CEP250: variants seen among roughly 807,000 people sequenced by gnomAD.
CEP250 encodes the protein centrosome-associated protein CEP250.
Under a neutral mutation model 315.7 loss-of-function variants are expected in CEP250, and 242 were observed. That is an observed-to-expected ratio of 0.77 (90% CI 0.69 to 0.85). The LOEUF (loss-of-function observed/expected upper bound fraction) is 0.85, where lower values mean the gene tolerates loss of function less well. CEP250 is among the 40% of genes least tolerant of loss of function. The pLI is 0.00. For missense variants in CEP250, 2,515 were observed against 2,886.4 expected, an observed-to-expected ratio of 0.87 and a Z score of 2.95; for synonymous variants, 1,088 against 1,175.0, an observed-to-expected ratio of 0.93 and a Z score of 1.51.
In CEP250 at chr20:35,479,626, C is replaced by T. The variant is rs187495837; in HGVS notation, c.2289-20C>T. The T allele has an allele frequency of 1.2e-6, 2 of 1,613,516 alleles. No homozygotes were observed. The highest frequency in any genetic ancestry group is 2.2e-5 in the East Asian group (1 of 44,884). Reference sequence around the variant, plus strand: ...GGGGCTTGATGGGTAAGAAACTCTTCTGATTCCTGAACCTCACAGCTCAGC... The same window carrying T: ...GGGGCTTGATGGGTAAGAAACTCTTTTGATTCCTGAACCTCACAGCTCAGC... On this transcript the variant is annotated intron_variant, in intron 18 of 34. Transcript: ENST00000397527.
intron 13 of CEP250, 88 bp downstream of exon 13, chr20:35,473,640 T>C (rs1214289708): frequency 5.9e-6 from 8 of 1,357,788 alleles, no homozygotes; most frequent in Non-Finnish European, 8.0e-6. Flanking sequence ...CATCAGGTTT[T>C]TGGGGTGCTG....
chr20:35,457,791 C>T (rs2062665767), intron 1 of CEP250, among the ~76,000 whole-genome samples: 1 of 151,996 alleles, frequency 6.6e-6, no homozygotes, highest in African/African-American at 2.4e-5. Context: ...AGAGCCAGAT[C>T]CTGTCTCAAA....
intron 9 of CEP250, among the ~76,000 whole-genome samples, chr20:35,468,303 C>T (rs1262484252): frequency 6.6e-6 from 1 of 152,190 alleles, no homozygotes; most frequent in Non-Finnish European, 1.5e-5. Flanking sequence ...TGCTAAGTTA[C>T]TGTGCCCTTG....
At chr20:35,486,290 A>G (rs1374335256) in intron 20 of CEP250, among the ~76,000 whole-genome samples, 1 of 145,444 alleles carries the variant, frequency 6.9e-6, no homozygotes, top group East Asian at 1.9e-4. Context: ...GTGCAGTTGT[A>G]CAACTGCACT....
chr20:35,463,644 G>A lies in CEP250; in HGVS notation c.243+13G>A. The A allele has an allele frequency of 6.2e-7, 1 of 1,601,830 alleles. No individual in the cohort carries two copies. Among genetic ancestry groups the A allele is most frequent in the Non-Finnish European group, 8.5e-7 (1 of 1,174,108 alleles). On this transcript the variant is annotated intron_variant, in intron 5 of 34. Transcript: ENST00000397527. ...AGAAGCCACTGGAGTGAGTGAGGCTGAGCTCTCTGCACCCCCTGGGTCCTC... is the reference window on the plus strand; with the variant it reads ...AGAAGCCACTGGAGTGAGTGAGGCTAAGCTCTCTGCACCCCCTGGGTCCTC...
At position 35,512,061 on chromosome 20, in the gene CEP250, G is replaced by C. The variant is rs1354681035; in HGVS notation, c.*435G>C. The C allele has an allele frequency of 2.0e-6, 2 of 1,019,902 alleles. No homozygotes were observed. 63.2% of individuals were successfully genotyped at this position (1,019,902 alleles called of 1,614,324 possible). A position where few individuals can be genotyped will look rare whatever the true frequency, so the allele number is the denominator to read the frequency against. ...TGGGAAGAACTTGCCAAAGATTCCT[G>C]TTGAGGTAGCATGCATTTATTGTAC... On this transcript the variant is annotated 3_prime_UTR_variant, in exon 35 of 35. Coordinates refer to ENST00000397527, the MANE Select transcript of CEP250 (RefSeq NM_007186.6).
In CEP250 at chr20:35,510,012, G is replaced by C; in HGVS notation, c.7023G>C (p.Gln2341His). ...GTCTTCCTTAGGATGGGAGAGGACA[G>C]AAGAACTCAGATGCCAAGTGTGTGG... is the stretch of plus-strand genomic sequence containing the variant. Reference protein sequence around the residue: ...SSPTQQDGRGQKNSDAKCVAE... With the variant: ...SSPTQQDGRGHKNSDAKCVAE... Residue 2341 changes from glutamine (Q) to histidine (H), a missense_variant, in exon 34 of 35, where the codon CAG becomes CAC. Gln to His is a conservative substitution (Grantham distance 24). Coordinates refer to ENST00000397527, the MANE Select transcript of CEP250 (RefSeq NM_007186.6). 6.2e-7 allele frequency: 1 copy of C among 1,614,234 alleles called. No individual in the cohort carries two copies.
chr20:35,496,854 C>A, intron 25 of CEP250, 139 bp downstream of exon 25: 1 of 895,564 alleles, frequency 1.1e-6, no homozygotes, highest in Non-Finnish European at 1.6e-6. Flanking sequence ...TGCCTCAACA[C>A]CCCTACAGGA....
At chr20:35,510,803 T>A (rs2064333000) in intron 34 of CEP250, among the ~76,000 whole-genome samples, 1 of 152,186 alleles carries the variant, frequency 6.6e-6, no homozygotes, top group Non-Finnish European at 1.5e-5. Flanking sequence ...GAAACCAGCC[T>A]GGCCAACATG....
At position 35,519,009 on chromosome 20, in the gene CEP250, G is replaced by T. The variant is rs1182846392; in HGVS notation, c.*7383G>T. On this transcript the variant is annotated 3_prime_UTR_variant, in exon 35 of 35. Transcript: ENST00000397527. ...GATCGCGTCACTGCACTCCAGCCTG[G>T]GTGGCAGAGCAAGACTCCGTCTCAA... The T allele has an allele frequency of 2.6e-5, 4 of 151,864 alleles. No homozygotes were observed. In the East Asian group the frequency reaches 5.8e-4, roughly 22 times the overall value. 9.4% of individuals were successfully genotyped at this position (151,864 alleles called of 1,614,324 possible). A position where few individuals can be genotyped will look rare whatever the true frequency, so the allele number is the denominator to read the frequency against.
rs746450631 is a variant in CEP250 at position 35,494,613 on chromosome 20, G to A, written c.3123G>A (p.Gln1041=). The A allele has an allele frequency of 5.6e-6, 9 of 1,614,160 alleles. No homozygotes were observed. In the East Asian group the frequency reaches 1.1e-4, roughly 20 times the overall value. The change falls in exon 24 of 35, where the codon CAG becomes CAA. Residue 1041 remains glutamine (Q), a synonymous_variant. Transcript: ENST00000397527. ...QEVQEKLRET[Q]EYNRIQKELE... is the part of the protein sequence containing the mutation. ...TTCAGGAGAAGCTGAGAGAGACCCA[G>A]GAGTATAACCGAATTCAGAAGGAGC...
At chr20:35,474,078 C>T (rs769857873) in intron 14 of CEP250, 26 bp downstream of exon 14, 1 of 1,488,056 alleles carries the variant, frequency 6.7e-7, no homozygotes, top group Non-Finnish European at 8.9e-7. Context: ...CTCCTCCTCG[C>T]TGGGCCCTGG....
At chr20:35,507,486 A>T (rs2064219787) in intron 30 of CEP250, among the ~76,000 whole-genome samples, 1 of 152,074 alleles carries the variant, frequency 6.6e-6, no homozygotes, top group South Asian at 2.1e-4. Flanking sequence ...CTTCTAGGAG[A>T]TGTGAAGTGA....
Position 35,465,750 on chromosome 20 carries a change from TC to T in CEP250, c.256del (p.Gln86ArgfsTer28). ...EKRLEATGGP[I>X]PQRWENVEEP... ...TGTCTCTGTCTGGCGCAGGGACCAA[TC>T]CCCCAGAGGTGGGAAAATGTGGAGG... On this transcript the variant is annotated frameshift_variant, in exon 6 of 35. Coordinates refer to ENST00000397527, the MANE Select transcript of CEP250 (RefSeq NM_007186.6). LOFTEE classifies it high-confidence loss of function. 6.2e-7 allele frequency: 1 copy of T among 1,601,520 alleles called. No individual in the cohort carries two copies. The highest frequency in any genetic ancestry group is 8.5e-7 in the Non-Finnish European group (1 of 1,174,662).
At chr20:35,508,238 G>C in intron 32 of CEP250, 48 bp downstream of exon 32, 2 of 1,601,460 alleles carry the variant, frequency 1.2e-6, no homozygotes, top group African/African-American at 2.7e-5. Flanking sequence ...CTTCTCGTGT[G>C]GTCCCTAGAG....
rs756003952 is a variant in CEP250, at chr20:35,473,397, C to A, written c.1233C>A (p.Gly411=). 1.9e-6 allele frequency: 3 copies of A among 1,613,554 alleles called. No homozygotes were observed. Among genetic ancestry groups the A allele is most frequent in the Admixed American group, 3.3e-5 (2 of 59,984 alleles). Residue 411 remains glycine (G), a synonymous_variant, in exon 13 of 35, where the codon GGC becomes GGA. Coordinates refer to ENST00000397527, the MANE Select transcript of CEP250 (RefSeq NM_007186.6). ...AVQDLRQQLA[G]CQEAVNLLQQ... is the part of the protein sequence containing the mutation. The stretch of plus-strand genomic sequence containing the variant: ...AGGACCTAAGGCAGCAGCTTGCAGG[C>A]TGTCAAGAGGCTGTGAACTTGTTGC...
chr20:35,462,159 G>A (rs1427446901), intron 3 of CEP250, 106 bp from the exon 4 acceptor site: 3 of 443,096 alleles, frequency 6.8e-6, no homozygotes, highest in South Asian at 4.3e-5. Context: ...TCATCATAGC[G>A]CCCTTCAGAG....
In CEP250 at chr20:35,501,966, G is replaced by C; in HGVS notation, c.4020G>C (p.Gln1340His). 2.5e-6 allele frequency: 4 copies of C among 1,611,322 alleles called. No homozygotes were observed. The highest frequency in any genetic ancestry group is 3.4e-6 in the Non-Finnish European group (4 of 1,179,854). The change falls in exon 29 of 35, where the codon CAG becomes CAC. Residue 1340 changes from glutamine (Q) to histidine (H), a missense_variant and splice_region_variant. Physicochemically the swap from Gln to His is conservative, Grantham distance 24 (BLOSUM62 0). Coordinates refer to ENST00000397527, the MANE Select transcript of CEP250 (RefSeq NM_007186.6). ...CAGAGCTACAGCGAATGGAAGCCCAGGTAAAGTGGTACTGGTTTCAGGGAG... is the reference window on the plus strand; with the variant it reads ...CAGAGCTACAGCGAATGGAAGCCCACGTAAAGTGGTACTGGTTTCAGGGAG... ...RRAELQRMEA[Q>H]GERELLQAAK...
intron 18 of CEP250, 74 bp downstream of exon 18, chr20:35,479,498 C>A: frequency 6.4e-7 from 1 of 1,550,492 alleles, no homozygotes; most frequent in Non-Finnish European, 8.7e-7. Context: ...AAGCTCCCTG[C>A]CATAAGTATG....
Sources: gnomAD v4.1 joint callset for allele counts (sites outside exome capture counted in the v4.1 genomes callset) on GRCh38, gnomAD v4.1.1 for gene constraint, MANE v1.5 for transcripts, NCBI Gene and HGNC (gene_info 2026-07-23, HGNC 2026-07-21) for gene names.